Variants in HERC3 observed in about 807,000 individuals in gnomAD.
HERC3 encodes HECT and RLD domain containing E3 ubiquitin protein ligase 3, also known as probable E3 ubiquitin-protein ligase HERC3.
A neutral mutation model predicts 129.9 loss-of-function variants in HERC3; 58 were observed. That is an observed-to-expected ratio of 0.45 (90% confidence interval 0.36 to 0.56). The LOEUF (loss-of-function observed/expected upper bound fraction) is 0.56, where lower values mean the gene tolerates loss of function less well. Among genes scored for constraint, HERC3 ranks in the 20% least tolerant of loss-of-function variants. The probability of loss-of-function intolerance (pLI) is 0.00; values close to 1 mark genes in which losing one functional copy is unlikely to be tolerated. For synonymous variants in HERC3, 430 were observed against 451.0 expected (o/e 0.95, Z 0.59); for missense variants, 835 against 1,244.2 (o/e 0.67, Z 4.95).
At chr4:88,689,262 T>C (rs756968851) in intron 23 of HERC3, among the ~76,000 whole-genome samples, 1 of 151,772 alleles carries the variant, frequency 6.6e-6, no homozygotes, top group Non-Finnish European at 1.5e-5. Flanking sequence ...TCCAGAACTT[T>C]GGGAGGCCAA....
intron 3 of HERC3, among the ~76,000 whole-genome samples, chr4:88,646,190 C>T (rs1360723399): frequency 6.6e-6 from 1 of 152,164 alleles, no homozygotes; most frequent in Non-Finnish European, 1.5e-5. Flanking sequence ...AGGGTTGTTG[C>T]AAGGCTTAAG....
At chr4:88,601,774 G>A (rs540273150) in intron 2 of HERC3, among the ~76,000 whole-genome samples, 1 of 147,046 alleles carries the variant, frequency 6.8e-6, no homozygotes, top group Non-Finnish European at 1.5e-5. Flanking sequence ...GGATATTCAG[G>A]GGCCGGGCGC....
the HERC3 span, among the ~76,000 whole-genome samples, chr4:88,569,413 G>A: frequency 1.3e-5 from 2 of 152,166 alleles, no homozygotes; most frequent in African/African-American, 4.8e-5. Context: ...CTTATATGCT[G>A]TTAAACCCAG....
chr4:88,544,309 C>T, the HERC3 span, among the ~76,000 whole-genome samples: 21 of 152,226 alleles, frequency 1.4e-4, no homozygotes, highest in East Asian at 4.1e-3. Context: ...AGCCAATAAA[C>T]ATGAAAAAAA....
At chr4:88,570,181 G>A in the HERC3 span, among the ~76,000 whole-genome samples, 4 of 152,168 alleles carry the variant, frequency 2.6e-5, no homozygotes, top group African/African-American at 9.7e-5. Context: ...GGCATGCATA[G>A]TATGAGGAGT....
Position 88,707,638 on chromosome 4 carries a change from T to C in HERC3, c.*678T>C, listed in dbSNP as rs1415383013. 3 of 152,284 alleles carry C rather than the reference T, an allele frequency of 2.0e-5. No homozygotes were observed. The highest frequency in any genetic ancestry group is 7.2e-5 in the African/African-American group (3 of 41,458). The allele number at this position is 152,284 out of a possible 1,614,324, so 9.4% of individuals were successfully genotyped here. A position where few individuals can be genotyped will look rare whatever the true frequency, so the allele number is the denominator to read the frequency against. The stretch of plus-strand genomic sequence containing the variant: ...CTTTCCCATGGCTGTGCCTATTTCC[T>C]AGACCTTTTAAAAGATGTGCAGAGC... On this transcript the variant is annotated 3_prime_UTR_variant, in exon 26 of 26. Coordinates refer to ENST00000402738, the MANE Select transcript of HERC3 (RefSeq NM_014606.3).
the HERC3 span, among the ~76,000 whole-genome samples, chr4:88,534,532 TAGTC>T: frequency 2.6e-5 from 4 of 152,166 alleles, no homozygotes; most frequent in Admixed American, 6.5e-5. Context: ...TCCCTCTACT[TAGTC>T]AGTTCCTGTG....
chr4:88,675,804 A>ATGTG (rs3836635), intron 16 of HERC3, among the ~76,000 whole-genome samples: 154 of 150,904 alleles, frequency 1.0e-3, no homozygotes, highest in African/African-American at 2.7e-3. Flanking sequence ...GCCTGTGTGT[A>ATGTG]TGTGTGTGTG....
intron 3 of HERC3, among the ~76,000 whole-genome samples, chr4:88,629,212 A>G (rs1177795049): frequency 1.3e-5 from 2 of 152,204 alleles, no homozygotes; most frequent in African/African-American, 2.4e-5. Flanking sequence ...AGTAATACAT[A>G]TGTGTTTATT....
intron 3 of HERC3, among the ~76,000 whole-genome samples, chr4:88,634,164 T>A (rs1727092377): frequency 6.6e-6 from 1 of 152,120 alleles, no homozygotes; most frequent in Non-Finnish European, 1.5e-5. Context: ...GGGAGGTGGT[T>A]AGTGAGTGTG....
intron 4 of HERC3, among the ~76,000 whole-genome samples, chr4:88,651,769 G>A (rs1452472859): frequency 6.6e-6 from 1 of 152,098 alleles, no homozygotes; most frequent in African/African-American, 2.4e-5. Context: ...TGTATTTTTA[G>A]TAGAGATGGG....
intron 4 of HERC3, among the ~76,000 whole-genome samples, chr4:88,650,789 T>C (rs1173694675): frequency 6.6e-6 from 1 of 152,232 alleles, no homozygotes; most frequent in Non-Finnish European, 1.5e-5. Flanking sequence ...AATTGGATGA[T>C]TTATTTTAGC....
intron 3 of HERC3, among the ~76,000 whole-genome samples, chr4:88,613,485 T>G (rs1040675298): frequency 6.6e-6 from 1 of 152,216 alleles, no homozygotes; most frequent in Non-Finnish European, 1.5e-5. Flanking sequence ...TCCAAAAGCT[T>G]CAATTCCCAA....
the HERC3 span, among the ~76,000 whole-genome samples, chr4:88,551,663 A>G: frequency 1.7e-3 from 259 of 152,242 alleles, 2 homozygotes; most frequent in African/African-American, 5.8e-3. Flanking sequence ...TGGAGAAATA[A>G]GAACACTTTT....
intron 25 of HERC3, 51 bp downstream of exon 25, chr4:88,704,661 T>G (rs1735620922): frequency 8.9e-7 from 1 of 1,127,136 alleles, no homozygotes; most frequent in Non-Finnish European, 1.4e-6. Flanking sequence ...TAGTCTTACA[T>G]ACAGTATAGG....
In HERC3 at chr4:88,697,770, G is replaced by T. The variant is rs775237659; in HGVS notation, c.2658-6328G>T. On this transcript the variant is annotated intron_variant, in intron 23 of 25. Coordinates refer to ENST00000402738, the MANE Select transcript of HERC3 (RefSeq NM_014606.3). Reference sequence around the variant, plus strand: ...AGTCGGCCATGTTAGAGGAGAAGCCGCAGAGGTCTAGGAGGGCTCCCGCAG... The same window carrying T: ...AGTCGGCCATGTTAGAGGAGAAGCCTCAGAGGTCTAGGAGGGCTCCCGCAG... The T allele has an allele frequency of 3.8e-6, 6 of 1,595,816 alleles. No individual in the cohort carries two copies. In the Admixed American group the frequency reaches 6.8e-5, roughly 18 times the overall value.
chr4:88,572,557 TC>T, the HERC3 span, among the ~76,000 whole-genome samples: 1 of 152,204 alleles, frequency 6.6e-6, no homozygotes, highest in Non-Finnish European at 1.5e-5. Flanking sequence ...ACACCTGTAG[TC>T]CCAGCACTTT....
At chr4:88,697,067 CT>C in intron 23 of HERC3, 1 of 775,638 alleles carries the variant, frequency 1.3e-6, no homozygotes, top group Non-Finnish European at 2.0e-6. Flanking sequence ...TTAATTTAAT[CT>C]ATTTTAGGAA....
chr4:88,693,559 G>A (rs1176559177), intron 23 of HERC3: 4 of 948,358 alleles, frequency 4.2e-6, no homozygotes, highest in South Asian at 4.9e-5. Flanking sequence ...CTAGAAGGTG[G>A]TGGTTGCACA....
Sources: gnomAD v4.1 joint callset for allele counts (sites outside exome capture counted in the v4.1 genomes callset) on GRCh38, gnomAD v4.1.1 for gene constraint, MANE v1.5 for transcripts, NCBI Gene and HGNC (gene_info 2026-07-23, HGNC 2026-07-21) for gene names.